Variants in TMEFF2 observed in about 807,000 individuals in gnomAD.
The protein encoded by TMEFF2 is transmembrane protein with EGF like and two follistatin like domains 2, also known as tomoregulin-2.
TMEFF2 carries 28 observed loss-of-function variants against 53.8 expected under a neutral mutation model. That is an observed-to-expected ratio of 0.52 (90% confidence interval 0.39 to 0.71). The LOEUF (loss-of-function observed/expected upper bound fraction) is 0.71. TMEFF2 is among the 30% of genes least tolerant of loss of function. The probability of loss-of-function intolerance (pLI) is 0.00; values close to 1 mark genes in which losing one functional copy is unlikely to be tolerated. For missense variants in TMEFF2, 353 were observed against 455.2 expected (o/e 0.78, Z 2.04); for synonymous variants, 162 against 166.3 (o/e 0.97, Z 0.20).
intron 5 of TMEFF2, among the ~76,000 whole-genome samples, chr2:192,049,423 G>T (rs1352661568): frequency 6.6e-6 from 1 of 152,128 alleles, no homozygotes; most frequent in Admixed American, 6.5e-5. Context: ...ATTTAGGATG[G>T]TGTCTGACAC....
intron 7 of TMEFF2, among the ~76,000 whole-genome samples, chr2:191,973,234 T>C (rs1692699896): frequency 6.6e-6 from 1 of 152,094 alleles, no homozygotes; most frequent in African/African-American, 2.4e-5. Flanking sequence ...AGATTTGGTC[T>C]CTTCAATGTC....
chr2:191,950,594 T>C (rs1262297695), intron 9 of TMEFF2, 187 bp from the exon 10 acceptor site: 6 of 827,360 alleles, frequency 7.3e-6, no homozygotes, highest in Non-Finnish European at 1.2e-5. Context: ...CAGTTGTCTT[T>C]AAATTTTTGT....
chr2:192,143,666 T>A (rs934347944), intron 4 of TMEFF2, among the ~76,000 whole-genome samples: 2 of 152,116 alleles, frequency 1.3e-5, no homozygotes, highest in Non-Finnish European at 2.9e-5. Context: ...TCAAGAAAAA[T>A]TAATTACATT....
intron 4 of TMEFF2, among the ~76,000 whole-genome samples, chr2:192,096,801 C>A: frequency 6.6e-6 from 1 of 150,546 alleles, no homozygotes; most frequent in Non-Finnish European, 1.5e-5. Context: ...CCAAGCTTCT[C>A]GAGTAGCTGG....
chr2:191,968,960 A>G (rs1692545253), intron 7 of TMEFF2, among the ~76,000 whole-genome samples: 1 of 152,148 alleles, frequency 6.6e-6, no homozygotes, highest in African/African-American at 2.4e-5. Flanking sequence ...CAAGCCACCC[A>G]GAAGGCTAAG....
intron 4 of TMEFF2, among the ~76,000 whole-genome samples, chr2:192,083,391 C>CA (rs1688598590): frequency 6.6e-6 from 1 of 152,034 alleles, no homozygotes; most frequent in African/African-American, 2.4e-5. Flanking sequence ...GTATAGAGGC[C>CA]AAACCTCCAA....
chr2:192,014,037 A>G (rs1383213919), intron 5 of TMEFF2, among the ~76,000 whole-genome samples: 1 of 152,268 alleles, frequency 6.6e-6, no homozygotes, highest in Non-Finnish European at 1.5e-5. Context: ...AAAAAGTATT[A>G]GTTCATTTAT....
chr2:192,153,737 C>T (rs147687587), intron 4 of TMEFF2, among the ~76,000 whole-genome samples: 123 of 151,896 alleles, frequency 8.1e-4, no homozygotes, highest in Admixed American at 2.8e-3. Flanking sequence ...TTGAAAGATG[C>T]TGATCTGTCA....
intron 7 of TMEFF2, among the ~76,000 whole-genome samples, chr2:191,997,923 G>A (rs1258599456): frequency 6.6e-6 from 1 of 151,730 alleles, no homozygotes; most frequent in African/African-American, 2.4e-5. Flanking sequence ...AAGAACATTT[G>A]CATTTATTAT....
chr2:192,069,022 T>C (rs1688226868), intron 4 of TMEFF2, among the ~76,000 whole-genome samples: 1 of 151,448 alleles, frequency 6.6e-6, no homozygotes, highest in South Asian at 2.1e-4. Context: ...TTAGAAAGAA[T>C]GGCAAAAACG....
intron 4 of TMEFF2, among the ~76,000 whole-genome samples, chr2:192,082,119 G>A (rs1259388116): frequency 6.6e-6 from 1 of 152,044 alleles, no homozygotes; most frequent in Non-Finnish European, 1.5e-5. Context: ...TGTTTTTAAA[G>A]TTGTCATTTT....
intron 5 of TMEFF2, among the ~76,000 whole-genome samples, chr2:192,054,175 G>A (rs763750341): frequency 3.3e-5 from 5 of 150,952 alleles, no homozygotes; most frequent in Admixed American, 1.3e-4. Flanking sequence ...TATGCTGGGG[G>A]CATACAAGAT....
intron 4 of TMEFF2, among the ~76,000 whole-genome samples, chr2:192,142,431 A>G (rs538486801): frequency 1.3e-5 from 2 of 152,250 alleles, no homozygotes; most frequent in South Asian, 4.1e-4. Flanking sequence ...TAAAAAAGTT[A>G]CACAAATTTC....
At chr2:192,153,775 A>G in intron 4 of TMEFF2, among the ~76,000 whole-genome samples, 1 of 151,862 alleles carries the variant, frequency 6.6e-6, no homozygotes, top group East Asian at 1.9e-4. Flanking sequence ...TGTAATGCTC[A>G]AAATACTCTA....
At chr2:192,057,175 C>T (rs1209086690) in intron 5 of TMEFF2, among the ~76,000 whole-genome samples, 1 of 152,062 alleles carries the variant, frequency 6.6e-6, no homozygotes, top group Non-Finnish European at 1.5e-5. Context: ...TCCTGAGTAC[C>T]TGGGACTACA....
In TMEFF2 at chr2:192,132,328, T is replaced by C. The variant is rs193147260; in HGVS notation, c.439+47340A>G. On this transcript the variant is annotated intron_variant, in intron 4 of 9. Transcript: ENST00000272771. ...TCTTTATCCCAAATCAGATAGCATT[T>C]AGGCTCTTTTTCATCAAATATAAAA... 2.5e-3 allele frequency among the ~76,000 whole-genome samples: 383 copies of C among 152,260 alleles called. 2 individuals carry two copies. Among genetic ancestry groups the C allele is most frequent in the African/African-American group, 8.8e-3 (364 of 41,548 alleles).
chr2:192,075,288 T>TATATATATATATATAAATATATAA (rs1574349780), intron 4 of TMEFF2, among the ~76,000 whole-genome samples: 6 of 5,636 alleles, frequency 1.1e-3, no homozygotes, highest in Non-Finnish European at 5.6e-4. Context: ...AGTACTATTA[T>TATATATATATATATAAATATATAA]ATATATATAT....
intron 4 of TMEFF2, among the ~76,000 whole-genome samples, chr2:192,174,949 A>C (rs564406968): frequency 6.6e-6 from 1 of 151,838 alleles, no homozygotes; most frequent in East Asian, 1.9e-4. Flanking sequence ...AGCCTTTTAC[A>C]AGCATATTTT....
intron 5 of TMEFF2, among the ~76,000 whole-genome samples, chr2:192,004,210 G>T (rs1358698846): frequency 6.6e-6 from 1 of 152,086 alleles, no homozygotes; most frequent in Admixed American, 6.5e-5. Flanking sequence ...GGCAGATGTG[G>T]GGTCTCCAAA....
Sources: gnomAD v4.1 joint callset for allele counts (sites outside exome capture counted in the v4.1 genomes callset) on GRCh38, gnomAD v4.1.1 for gene constraint, MANE v1.5 for transcripts, NCBI Gene and HGNC (gene_info 2026-07-23, HGNC 2026-07-21) for gene names.